Variants in CRADD observed in about 807,000 individuals in gnomAD.
The protein encoded by CRADD is death domain-containing protein CRADD.
A neutral mutation model predicts 15.5 loss-of-function variants in CRADD; 9 were observed. That is an observed-to-expected ratio of 0.58 (90% CI 0.35 to 1.01). The LOEUF (loss-of-function observed/expected upper bound fraction) is 1.01. Ranked by LOEUF, CRADD falls within the 50% of genes least tolerant of loss-of-function variation. CRADD has a pLI of 0.02. For synonymous variants in CRADD, 118 were observed against 107.6 expected (o/e 1.10, Z -0.60); for missense variants, 227 against 250.3 (o/e 0.91, Z 0.63).
chr12:93,810,739 T>A (rs1279635045), intron 2 of CRADD, among the ~76,000 whole-genome samples: 1 of 152,104 alleles, frequency 6.6e-6, no homozygotes, highest in African/African-American at 2.4e-5. Context: ...GGGCTGAGCC[T>A]CAAGCCCAGC....
chr12:93,763,230 C>A (rs1956989546), intron 2 of CRADD, among the ~76,000 whole-genome samples: 1 of 152,182 alleles, frequency 6.6e-6, no homozygotes, highest in Admixed American at 6.5e-5. Context: ...ATTATGCTAC[C>A]CCTCTGGATC....
intron 2 of CRADD, chr12:93,738,264 A>G (rs1344082898): frequency 4.6e-6 from 3 of 655,776 alleles, no homozygotes; most frequent in Non-Finnish European, 8.3e-6. Context: ...AGAAGGGCCA[A>G]AAGTGTCAGA....
Position 93,850,552 on chromosome 12 carries a change from A to T in CRADD, c.*281A>T. 1 of 1,068,034 alleles carries T rather than the reference A, an allele frequency of 9.4e-7. No homozygotes were observed. The allele number at this position is 1,068,034 out of a possible 1,614,324, so 66.2% of individuals were successfully genotyped here. ...ATGTGTAATGGCATTTTAATAGACT[A>T]GTAAATCACAGTGGTTCAAAATATA... On this transcript the variant is annotated 3_prime_UTR_variant, in exon 3 of 3. Coordinates refer to ENST00000332896, the MANE Select transcript of CRADD (RefSeq NM_003805.5). The surrounding 1 kb of genome is among the most constrained non-coding windows in gnomAD (Gnocchi z 4.0).
At chr12:93,749,770 G>T (rs1956809763) in intron 2 of CRADD, among the ~76,000 whole-genome samples, 1 of 152,144 alleles carries the variant, frequency 6.6e-6, no homozygotes, top group South Asian at 2.1e-4. Flanking sequence ...GCACTGGCAT[G>T]CTTTCTCTTT....
At chr12:93,797,680 C>T (rs1024948397) in intron 2 of CRADD, among the ~76,000 whole-genome samples, 3 of 152,102 alleles carry the variant, frequency 2.0e-5, no homozygotes, top group African/African-American at 7.2e-5. Context: ...ACTGCTGGTA[C>T]TGTATTTTAT....
At chr12:93,691,395 A>C (rs889433459) in intron 2 of CRADD, among the ~76,000 whole-genome samples, 2 of 151,904 alleles carry the variant, frequency 1.3e-5, no homozygotes, top group African/African-American at 4.8e-5. Flanking sequence ...CTGGGATTAC[A>C]GGTGCCCGCC....
At chr12:93,700,620 CGG>C (rs1000119968) in intron 2 of CRADD, among the ~76,000 whole-genome samples, 64 of 151,930 alleles carry the variant, frequency 4.2e-4, no homozygotes, top group African/African-American at 1.5e-3. Flanking sequence ...TTAGTAGAGA[CGG>C]GGTTTCACCT....
chr12:93,831,253 G>A (rs1957896589), intron 2 of CRADD: 1 of 153,264 alleles, frequency 6.5e-6, no homozygotes. Context: ...CTAAGGAGGA[G>A]TGGACCACCC....
At chr12:93,876,509 T>C (rs1052337457) in intron 2 of CRADD, among the ~76,000 whole-genome samples, 1 of 152,094 alleles carries the variant, frequency 6.6e-6, no homozygotes, top group Non-Finnish European at 1.5e-5. Flanking sequence ...TTCATTGTTA[T>C]TCATTTTTCT....
intron 2 of CRADD, among the ~76,000 whole-genome samples, chr12:93,761,310 A>G (rs1158887388): frequency 1.3e-5 from 2 of 152,140 alleles, no homozygotes; most frequent in African/African-American, 4.8e-5. Flanking sequence ...TGAAGGGTAC[A>G]CGGGGGAGAA....
chr12:93,686,317 A>AG (rs987770393), intron 2 of CRADD, among the ~76,000 whole-genome samples: 5 of 151,164 alleles, frequency 3.3e-5, no homozygotes, highest in African/African-American at 1.2e-4. Flanking sequence ...AAAAAAAAAA[A>AG]AAAAAAAAGA....
At chr12:93,693,190 T>G (rs1382317972) in intron 2 of CRADD, among the ~76,000 whole-genome samples, 1 of 152,102 alleles carries the variant, frequency 6.6e-6, no homozygotes, top group East Asian at 1.9e-4. Flanking sequence ...ACAAAGCATC[T>G]ACAAAGCAAC....
At chr12:93,821,220 G>A (rs532861728) in intron 2 of CRADD, among the ~76,000 whole-genome samples, 1 of 152,352 alleles carries the variant, frequency 6.6e-6, no homozygotes, top group African/African-American at 2.4e-5. Context: ...AGCTGCCACT[G>A]TCCCCTGAGA....
chr12:93,681,951 G>A (rs938862507), intron 2 of CRADD, among the ~76,000 whole-genome samples: 3 of 152,098 alleles, frequency 2.0e-5, no homozygotes, highest in African/African-American at 7.2e-5. Context: ...TGGAAGTAAT[G>A]GAAGAAATTA....
intron 2 of CRADD, among the ~76,000 whole-genome samples, chr12:93,855,920 C>T (rs7962229): frequency 0.52 from 78,408 of 151,700 alleles, 20,677 homozygotes; most frequent in Middle Eastern, 0.62. Context: ...CTGGTTCAAG[C>T]GATTCTCCTG....
chr12:93,690,397 A>G (rs950721698), intron 2 of CRADD, among the ~76,000 whole-genome samples: 3 of 152,244 alleles, frequency 2.0e-5, no homozygotes, highest in Non-Finnish European at 2.9e-5. Context: ...TCTTCTTCAT[A>G]CAGCAAGGCC....
intron 2 of CRADD, among the ~76,000 whole-genome samples, chr12:93,836,761 G>C (rs1451203948): frequency 6.6e-6 from 1 of 152,186 alleles, no homozygotes; most frequent in Non-Finnish European, 1.5e-5. Flanking sequence ...CAAATATGTA[G>C]TGAGTGCCTA....
intron 2 of CRADD, among the ~76,000 whole-genome samples, chr12:93,870,143 G>A (rs1958405957): frequency 6.6e-6 from 1 of 152,106 alleles, no homozygotes; most frequent in Non-Finnish European, 1.5e-5. Flanking sequence ...GACTTCCCAG[G>A]CCCTCTCCCA....
chr12:93,886,132 C>G (rs1006090337), intron 2 of CRADD, among the ~76,000 whole-genome samples: 2 of 147,830 alleles, frequency 1.4e-5, no homozygotes, highest in African/African-American at 5.0e-5. Context: ...AACTGCCAAG[C>G]TAAGATGGAC....
Sources: allele counts gnomAD v4.1 joint callset (sites outside exome capture counted in the v4.1 genomes callset), GRCh38; gene constraint gnomAD v4.1.1; non-coding constraint Gnocchi (gnomAD v3.1); transcripts MANE v1.5; gene names NCBI Gene and HGNC (gene_info 2026-07-23, HGNC 2026-07-21).